The following GLIS1 variants were observed in gnomAD, a reference collection of about 807,000 sequenced individuals.
GLIS1 encodes the protein zinc finger protein GLIS1.
In GLIS1, 24 loss-of-function variants were observed where a neutral mutation model predicts 63.8. The observed-to-expected ratio is 0.38, with a 90% confidence interval of 0.27 to 0.53. The LOEUF (loss-of-function observed/expected upper bound fraction) is 0.53, where lower values mean the gene tolerates loss of function less well. Among genes scored for constraint, GLIS1 ranks in the 20% least tolerant of loss-of-function variants. The pLI, the probability that GLIS1 is intolerant of heterozygous loss-of-function variation, is 0.85. For synonymous variants in GLIS1, 450 were observed against 482.5 expected (o/e 0.93, Z 0.88); for missense variants, 1,036 against 1,074.1 (o/e 0.96, Z 0.50).
At position 53,729,210 on chromosome 1, in the gene GLIS1, G is replaced by A. The variant is rs77583224; in HGVS notation, c.259+8596C>T. On this transcript the variant is annotated intron_variant, in intron 2 of 10. Transcript: ENST00000628545. ...AGAGGTTTTAAGCGAGAAGTTCTAC[G>A]GACTTGAGGTCTGGGATTTTTGCTC... Among the ~76,000 whole-genome samples, 32 of 152,276 alleles carry A rather than the reference G, an allele frequency of 2.1e-4. No individual in the cohort carries two copies. The South Asian group carries it at 3.7e-3, about 18-fold the overall frequency.
At chr1:53,684,237 G>A (rs554200515) in intron 2 of GLIS1, among the ~76,000 whole-genome samples, 36 of 152,172 alleles carry the variant, frequency 2.4e-4, no homozygotes, top group African/African-American at 8.0e-4. Flanking sequence ...TCTCTGGAGG[G>A]AGCCAGGCTG....
In GLIS1 at chr1:53,639,951, G is replaced by A. The variant is rs1407563585; in HGVS notation, c.260-39673C>T. Among the ~76,000 whole-genome samples the A allele has an allele frequency of 6.6e-6, 1 of 152,206 alleles. No individual in the cohort carries two copies. Among genetic ancestry groups the A allele is most frequent in the Non-Finnish European group, 1.5e-5 (1 of 68,032 alleles). On this transcript the variant is annotated intron_variant, in intron 2 of 10. Coordinates refer to ENST00000628545, the MANE Select transcript of GLIS1 (RefSeq NM_001367484.1). The surrounding 1 kb of genome is among the most constrained non-coding windows in gnomAD (Gnocchi z 4.6). ...CTGAGCCTCAGTTTATACTTCCACA[G>A]AAACAGGGATACTACACTTAACAAA...
intron 4 of GLIS1, among the ~76,000 whole-genome samples, chr1:53,542,828 T>C (rs2100374237): frequency 6.6e-6 from 1 of 152,260 alleles, no homozygotes; most frequent in East Asian, 1.9e-4. Context: ...ACCTGGGGCA[T>C]CCAGGCAGGA....
intron 4 of GLIS1, among the ~76,000 whole-genome samples, chr1:53,589,415 G>T (rs1645167192): frequency 6.6e-6 from 1 of 152,324 alleles, no homozygotes; most frequent in South Asian, 2.1e-4. Flanking sequence ...GCGGAGGGGG[G>T]TAAAGGTTTG....
At chr1:53,610,018 T>C (rs541549783) in intron 2 of GLIS1, among the ~76,000 whole-genome samples, 2 of 152,262 alleles carry the variant, frequency 1.3e-5, no homozygotes, top group African/African-American at 2.4e-5. Flanking sequence ...CCATTGTATA[T>C]GTAGTCTGTC....
At chr1:53,669,903 G>A (rs1255275718) in intron 2 of GLIS1, among the ~76,000 whole-genome samples, 1 of 152,214 alleles carries the variant, frequency 6.6e-6, no homozygotes, top group African/African-American at 2.4e-5. Flanking sequence ...CTGCTTTAGA[G>A]AGGACTTCCT....
At chr1:53,735,604 C>T (rs1646904677) in intron 2 of GLIS1, among the ~76,000 whole-genome samples, 1 of 152,196 alleles carries the variant, frequency 6.6e-6, no homozygotes, top group Admixed American at 6.5e-5. Context: ...AGAGTAAAAT[C>T]GATTCCCCCA....
chr1:53,724,901 GA>G (rs1176427857), intron 2 of GLIS1, among the ~76,000 whole-genome samples: 3 of 151,852 alleles, frequency 2.0e-5, no homozygotes, highest in Non-Finnish European at 4.4e-5. Context: ...GTAGGATAAT[GA>G]AAAAAAATGA....
intron 4 of GLIS1, among the ~76,000 whole-genome samples, chr1:53,572,831 C>T (rs990932802): frequency 1.3e-5 from 2 of 152,188 alleles, no homozygotes; most frequent in African/African-American, 4.8e-5. Context: ...GGTCAGTGGC[C>T]CCAAGGCCTC....
chr1:53,687,657 G>C (rs1034638883), intron 2 of GLIS1, among the ~76,000 whole-genome samples: 1 of 152,180 alleles, frequency 6.6e-6, no homozygotes, highest in Non-Finnish European at 1.5e-5. Flanking sequence ...CACCAGGTCA[G>C]AGCCCCCGCC....
At position 53,526,982 on chromosome 1, in the gene GLIS1, C is replaced by T. The variant is rs1167398950; in HGVS notation, c.1483-2095G>A. On this transcript the variant is annotated intron_variant, in intron 5 of 10. Transcript: ENST00000628545. This position sits in a 1 kb window ranked among gnomAD's most constrained non-coding sequence, Gnocchi z 4.4. ...CGGGTGAGTCTGCCGTGCGGAGCCC[C>T]TGCCCGTCTGCACTTGGAGGCCAGC... Among the ~76,000 whole-genome samples the T allele has an allele frequency of 6.6e-6, 1 of 152,242 alleles. No homozygotes were observed. The highest frequency in any genetic ancestry group is 1.5e-5 in the Non-Finnish European group (1 of 68,054).
chr1:53,688,053 C>T (rs1294574466), intron 2 of GLIS1, among the ~76,000 whole-genome samples: 1 of 119,206 alleles, frequency 8.4e-6, no homozygotes, highest in East Asian at 3.3e-4. Flanking sequence ...GCTGAGGAAC[C>T]GGGGCTGCCT....
chr1:53,590,837 C>T (rs1174567710), intron 4 of GLIS1, among the ~76,000 whole-genome samples: 1 of 152,168 alleles, frequency 6.6e-6, no homozygotes, highest in Non-Finnish European at 1.5e-5. Flanking sequence ...CCAGCAAGTC[C>T]CTAGTCCCAG....
Position 53,560,945 on chromosome 1 carries a change from C to T in GLIS1, c.1321-30993G>A, listed in dbSNP as rs540756602. Among the ~76,000 whole-genome samples, 9 of 152,266 alleles carry T rather than the reference C, an allele frequency of 5.9e-5. 1 individual carries two copies. In the East Asian group the frequency reaches 7.7e-4, roughly 13 times the overall value. ...CCAGGCAGAGCTCCAGAGAGGAGGC[C>T]GGGCCCACACTGGATGTCCGCTCCC... is the stretch of plus-strand genomic sequence containing the variant. On this transcript the variant is annotated intron_variant, in intron 4 of 10. Coordinates refer to ENST00000628545, the MANE Select transcript of GLIS1 (RefSeq NM_001367484.1). This position sits in a 1 kb window ranked among gnomAD's most constrained non-coding sequence, Gnocchi z 4.4.
chr1:53,712,877 T>C (rs1426878694), intron 2 of GLIS1, among the ~76,000 whole-genome samples: 5 of 151,956 alleles, frequency 3.3e-5, no homozygotes, highest in Admixed American at 2.6e-4. Flanking sequence ...AACACGGCAC[T>C]GCCAGAAATA....
At chr1:53,581,877 T>G (rs1210792178) in intron 4 of GLIS1, among the ~76,000 whole-genome samples, 1 of 152,098 alleles carries the variant, frequency 6.6e-6, no homozygotes, top group Non-Finnish European at 1.5e-5. Context: ...TCCTCCTCCC[T>G]AGGGTGTGCC....
intron 4 of GLIS1, among the ~76,000 whole-genome samples, chr1:53,563,485 T>C (rs1173296307): frequency 3.3e-5 from 5 of 152,222 alleles, no homozygotes; most frequent in African/African-American, 1.2e-4. Flanking sequence ...TTTTCAAAAA[T>C]GTTGACTGAA....
At chr1:53,645,785 T>C (rs899997937) in intron 2 of GLIS1, among the ~76,000 whole-genome samples, 7 of 152,212 alleles carry the variant, frequency 4.6e-5, no homozygotes, top group Non-Finnish European at 1.0e-4. Flanking sequence ...CCCAAGTTCA[T>C]AGAATTTAGG....
intron 6 of GLIS1, among the ~76,000 whole-genome samples, chr1:53,522,997 T>TC (rs1644427058): frequency 1.4e-5 from 2 of 146,578 alleles, no homozygotes; most frequent in Non-Finnish European, 3.0e-5. Flanking sequence ...TTTTTTTTTT[T>TC]TTTTTTTTGA....
Sources: gnomAD v4.1 joint callset for allele counts (sites outside exome capture counted in the v4.1 genomes callset) on GRCh38, gnomAD v4.1.1 for gene constraint, Gnocchi (gnomAD v3.1) non-coding constraint, MANE v1.5 for transcripts, NCBI Gene and HGNC (gene_info 2026-07-23, HGNC 2026-07-21) for gene names.